The following ASTN2 variants were observed in gnomAD, a reference collection of about 807,000 sequenced individuals.
The protein encoded by ASTN2 is astrotactin 2.
A neutral mutation model predicts 139.8 loss-of-function variants in ASTN2; 54 were observed. That is an observed-to-expected ratio of 0.39 (90% CI 0.31 to 0.48). The LOEUF (loss-of-function observed/expected upper bound fraction) is 0.48, where lower values mean the gene tolerates loss of function less well. ASTN2 is among the 20% of genes least tolerant of loss of function. The pLI is 0.95. For synonymous variants in ASTN2, 756 were observed against 719.5 expected (o/e 1.05, Z -0.81); for missense variants, 1,565 against 1,725.1 (o/e 0.91, Z 1.64).
chr9:116,472,794 G>A (rs768914855), intron 20 of ASTN2, among the ~76,000 whole-genome samples: 3 of 151,942 alleles, frequency 2.0e-5, no homozygotes, highest in Admixed American at 6.6e-5. Context: ...GCGGCGGAGG[G>A]GGCACACCTG....
At chr9:116,840,971 G>A (rs1229309756) in intron 11 of ASTN2, among the ~76,000 whole-genome samples, 5 of 152,102 alleles carry the variant, frequency 3.3e-5, no homozygotes, top group South Asian at 2.1e-4. Context: ...CTTCCCAGAC[G>A]GGGTGGCGGC....
At chr9:116,555,299 A>G (rs1240519720) in intron 19 of ASTN2, among the ~76,000 whole-genome samples, 1 of 152,108 alleles carries the variant, frequency 6.6e-6, no homozygotes, top group Non-Finnish European at 1.5e-5. Flanking sequence ...CTCCCTGGCC[A>G]AGAAGAGAGA....
intron 13 of ASTN2, among the ~76,000 whole-genome samples, chr9:116,794,185 C>G (rs1164608035): frequency 6.6e-6 from 1 of 150,656 alleles, no homozygotes; most frequent in Non-Finnish European, 1.5e-5. Context: ...AAAACCTCCA[C>G]CTCCCAGGTT....
chr9:116,922,316 G>T (rs1004061893), intron 10 of ASTN2, among the ~76,000 whole-genome samples: 2 of 152,066 alleles, frequency 1.3e-5, no homozygotes, highest in African/African-American at 4.8e-5. Context: ...CCCTGTGTTT[G>T]GTTATGATTA....
At chr9:116,582,856 G>A (rs1178903370) in intron 19 of ASTN2, 1 of 152,204 alleles carries the variant, frequency 6.6e-6, no homozygotes, top group Non-Finnish European at 1.5e-5. Context: ...TAAAGTCCAA[G>A]TAGCTTAGCC....
Position 117,008,210 on chromosome 9 carries a change from C to A in ASTN2, c.1473G>T (p.Trp491Cys). Residue 491 changes from tryptophan (W) to cysteine (C), a missense_variant, in exon 7 of 23, where the codon TGG becomes TGT. Trp to Cys is a radical substitution (Grantham distance 215, BLOSUM62 -2). Transcript: ENST00000313400. ...SEGSYLDISD[W>C]LNPAKLSLYY... ...ACAGGGAAAGCTTGGCCGGGTTTAACCAGTCGGAGATGTCCAGGTAGCTCC... is the reference window on the plus strand; with the variant it reads ...ACAGGGAAAGCTTGGCCGGGTTTAAACAGTCGGAGATGTCCAGGTAGCTCC... 6.2e-7 allele frequency: 1 copy of A among 1,610,634 alleles called. No individual in the cohort carries two copies. Among genetic ancestry groups the A allele is most frequent in the Non-Finnish European group, 8.5e-7 (1 of 1,178,382 alleles).
intron 10 of ASTN2, among the ~76,000 whole-genome samples, chr9:116,897,736 C>G (rs939466959): frequency 6.6e-6 from 1 of 151,586 alleles, no homozygotes; most frequent in Non-Finnish European, 1.5e-5. Context: ...AATCAAGATG[C>G]AGAATGTTAT....
At chr9:116,615,309 C>T (rs1254768405) in intron 19 of ASTN2, among the ~76,000 whole-genome samples, 2 of 152,184 alleles carry the variant, frequency 1.3e-5, no homozygotes, top group Non-Finnish European at 2.9e-5. Flanking sequence ...TTGTGGAAGA[C>T]AGTGTGGCGA....
At chr9:117,178,103 T>G (rs1830963304) in intron 3 of ASTN2, among the ~76,000 whole-genome samples, 1 of 152,238 alleles carries the variant, frequency 6.6e-6, no homozygotes, top group African/African-American at 2.4e-5. Context: ...AAATACTCTC[T>G]TGTTCTCTGA....
intron 19 of ASTN2, among the ~76,000 whole-genome samples, chr9:116,502,730 G>GGAAGGAAGGAAT (rs1215087638): frequency 4.7e-5 from 1 of 21,238 alleles, no homozygotes; most frequent in African/African-American, 1.3e-4. Flanking sequence ...AAGGAAGGAA[G>GGAAGGAAGGAAT]GAATGAATGA....
intron 7 of ASTN2, among the ~76,000 whole-genome samples, chr9:116,981,729 T>C (rs759200325): frequency 5.7e-4 from 87 of 152,334 alleles, no homozygotes; most frequent in Non-Finnish European, 1.1e-3. Flanking sequence ...TTTCTAAAAA[T>C]GAGAGCATTG....
At chr9:116,434,631 A>C (rs917412584) in intron 22 of ASTN2, among the ~76,000 whole-genome samples, 1 of 152,198 alleles carries the variant, frequency 6.6e-6, no homozygotes, top group Non-Finnish European at 1.5e-5. Flanking sequence ...TGTCCTCTCT[A>C]CCAATATGCT....
At chr9:117,355,021 T>A (rs1013079539) in intron 1 of ASTN2, among the ~76,000 whole-genome samples, 8 of 152,248 alleles carry the variant, frequency 5.3e-5, no homozygotes, top group African/African-American at 1.9e-4. Flanking sequence ...CTGTTTTTTT[T>A]AATCCATGAG....
chr9:116,896,398 A>C (rs1234127356), intron 10 of ASTN2, among the ~76,000 whole-genome samples: 2 of 152,012 alleles, frequency 1.3e-5, no homozygotes, highest in East Asian at 3.9e-4. Context: ...GTGCAATGGC[A>C]TTATCTTGGC....
intron 11 of ASTN2, among the ~76,000 whole-genome samples, chr9:116,852,482 C>T (rs1293131128): frequency 1.3e-5 from 2 of 152,044 alleles, no homozygotes; most frequent in Non-Finnish European, 2.9e-5. Context: ...TCACTCAGTT[C>T]GGGTAGAATT....
At chr9:117,174,123 CT>C (rs1419230655) in intron 3 of ASTN2, among the ~76,000 whole-genome samples, 1 of 146,848 alleles carries the variant, frequency 6.8e-6, no homozygotes, top group Non-Finnish European at 1.5e-5. Context: ...AGCTAGCTAA[CT>C]AGATAGATAG....
Position 116,694,459 on chromosome 9 carries a change from C to CTTTTTTTTT in ASTN2, c.2806+31303_2806+31311dup, listed in dbSNP as rs56666915. Among the ~76,000 whole-genome samples, 14 of 88,042 alleles carry CTTTTTTTTT rather than the reference C, an allele frequency of 1.6e-4. 1 individual carries two copies. The highest frequency in any genetic ancestry group is 3.8e-4 in the East Asian group (1 of 2,622). 57.8% of individuals were successfully genotyped at this position (88,042 alleles called of 152,430 possible). ...GCATGGATCCTGAGTTGTAATTTCT[C>CTTTTTTTTT]TTTTTTTTTTTTTTTTTTTTGAGAT... On this transcript the variant is annotated intron_variant, in intron 16 of 22. Coordinates refer to ENST00000313400, the MANE Select transcript of ASTN2 (RefSeq NM_001365068.1).
chr9:117,032,577 T>C (rs113776323), intron 6 of ASTN2, among the ~76,000 whole-genome samples: 5,531 of 152,280 alleles, frequency 0.036, 199 homozygotes, highest in South Asian at 0.16. Flanking sequence ...CTTCTAAGAA[T>C]TGAAAATACT....
At chr9:117,069,987 T>C (rs1037176235) in intron 5 of ASTN2, among the ~76,000 whole-genome samples, 40 of 147,904 alleles carry the variant, frequency 2.7e-4, no homozygotes, top group African/African-American at 9.6e-4. Flanking sequence ...TGTCTTTTAA[T>C]TGGAGAATTT....
Sources: gnomAD v4.1 joint callset for allele counts (sites outside exome capture counted in the v4.1 genomes callset) on GRCh38, gnomAD v4.1.1 for gene constraint, MANE v1.5 for transcripts, NCBI Gene and HGNC (gene_info 2026-07-23, HGNC 2026-07-21) for gene names.